Variants in WASF1 observed in about 807,000 individuals in gnomAD.
The protein encoded by WASF1 is actin-binding protein WASF1.
In WASF1, 7 loss-of-function variants were observed where a neutral mutation model predicts 50.5. The observed-to-expected ratio is 0.14, with a 90% CI of 0.08 to 0.26. The LOEUF (loss-of-function observed/expected upper bound fraction) is 0.26, where lower values mean the gene tolerates loss of function less well. WASF1 is among the 10% of genes least tolerant of loss of function. The probability of loss-of-function intolerance (pLI) is 1.00; values close to 1 mark genes in which losing one functional copy is unlikely to be tolerated. For missense variants in WASF1, 470 were observed against 694.7 expected, an observed-to-expected ratio of 0.68 and a Z score of 3.64; for synonymous variants, 205 against 244.0, an observed-to-expected ratio of 0.84 and a Z score of 1.49.
intron 2 of WASF1, among the ~76,000 whole-genome samples, chr6:110,167,267 T>C (rs144592410): frequency 1.0e-3 from 154 of 152,098 alleles, no homozygotes; most frequent in African/African-American, 3.2e-3. Context: ...CCTATACTTT[T>C]TATCATTATT....
intron 2 of WASF1, among the ~76,000 whole-genome samples, chr6:110,163,420 T>C (rs951759631): frequency 6.6e-6 from 1 of 151,510 alleles, no homozygotes; most frequent in African/African-American, 2.4e-5. Flanking sequence ...GGCTGTAGAC[T>C]TCTTGTTGTG....
chr6:110,113,184 T>G, intron 5 of WASF1, 142 bp downstream of exon 5: 1 of 707,062 alleles, frequency 1.4e-6, no homozygotes. Flanking sequence ...TTTAGATAAT[T>G]CACTGATTTA....
At chr6:110,172,103 A>G (rs973626245) in intron 2 of WASF1, among the ~76,000 whole-genome samples, 2 of 152,234 alleles carry the variant, frequency 1.3e-5, no homozygotes, top group African/African-American at 2.4e-5. Context: ...AATTAGTTCA[A>G]CCATTGTGGA....
At chr6:110,145,035 T>C (rs956837295) in intron 3 of WASF1, among the ~76,000 whole-genome samples, 7 of 152,216 alleles carry the variant, frequency 4.6e-5, no homozygotes, top group African/African-American at 7.2e-5. Flanking sequence ...ATTGAATCTA[T>C]AAATTACCTT....
intron 3 of WASF1, among the ~76,000 whole-genome samples, chr6:110,148,178 T>C (rs1775663560): frequency 1.3e-5 from 2 of 152,312 alleles, no homozygotes; most frequent in African/African-American, 2.4e-5. Context: ...TAAAAACATA[T>C]ACCTATCAAA....
rs745871195 is a variant in WASF1 at position 110,101,797 on chromosome 6, C to T, written c.1313G>A (p.Arg438Gln). The T allele has an allele frequency of 1.9e-6, 3 of 1,613,934 alleles. No individual in the cohort carries two copies. The highest frequency in any genetic ancestry group is 2.2e-5 in the East Asian group (1 of 44,866). Reference sequence around the variant, plus strand: ...TGTAACTGTGACAGGTGATGATGGTCGAATGCCAGGTGGAGGCAGAGGAGG... The same window carrying T: ...TGTAACTGTGACAGGTGATGATGGTTGAATGCCAGGTGGAGGCAGAGGAGG... ...PPPPLPPPGI[R>Q]PSSPVTVTAL... The change falls in exon 10 of 11, where the codon CGA (arginine) becomes CAA (glutamine). Residue 438 changes from arginine (R) to glutamine (Q), a missense_variant. By Grantham distance (43) the Arg-to-Gln change is conservative (BLOSUM62 1). Around this residue, in one of 3 missense-constraint regions of WASF1, gnomAD observed 294 missense variants for 343.5 expected, o/e 0.86. Transcript: ENST00000392589.
intron 3 of WASF1, among the ~76,000 whole-genome samples, chr6:110,131,594 G>A (rs1273501282): frequency 2.6e-5 from 4 of 152,044 alleles, no homozygotes; most frequent in Non-Finnish European, 5.9e-5. Context: ...TGCAACCTTC[G>A]CCTCTTGGGT....
At chr6:110,138,955 T>A (rs1426011831) in intron 3 of WASF1, among the ~76,000 whole-genome samples, 1 of 152,224 alleles carries the variant, frequency 6.6e-6, no homozygotes, top group Non-Finnish European at 1.5e-5. Context: ...CCTGTCACCA[T>A]CAACATGCTG....
At chr6:110,106,234 G>C (rs572913032) in intron 7 of WASF1, among the ~76,000 whole-genome samples, 2 of 152,312 alleles carry the variant, frequency 1.3e-5, no homozygotes, top group African/African-American at 4.8e-5. Context: ...GAGCTAGACA[G>C]ACATGTCCAT....
At chr6:110,141,621 C>A (rs1775240414) in intron 3 of WASF1, among the ~76,000 whole-genome samples, 1 of 152,138 alleles carries the variant, frequency 6.6e-6, no homozygotes, top group African/African-American at 2.4e-5. Flanking sequence ...GCCTTACTCG[C>A]CTTACTCAAC....
At chr6:110,178,387 T>C (rs954693946) in intron 2 of WASF1, among the ~76,000 whole-genome samples, 1 of 152,080 alleles carries the variant, frequency 6.6e-6, no homozygotes, top group Non-Finnish European at 1.5e-5. Flanking sequence ...CTATGAACAA[T>C]CAGAAAAATG....
chr6:110,134,801 T>C (rs1054327936), intron 3 of WASF1, among the ~76,000 whole-genome samples: 1 of 152,176 alleles, frequency 6.6e-6, no homozygotes, highest in African/African-American at 2.4e-5. Flanking sequence ...AGTCAGGTAA[T>C]GTGATGTCTC....
At position 110,130,289 on chromosome 6, in the gene WASF1, T is replaced by C. The variant is rs147425652; in HGVS notation, c.-28-2660A>G. 2.7e-3 allele frequency among the ~76,000 whole-genome samples: 406 copies of C among 152,274 alleles called. 1 individual carries two copies. Among genetic ancestry groups the C allele is most frequent in the African/African-American group, 9.5e-3 (394 of 41,568 alleles). On this transcript the variant is annotated intron_variant, in intron 3 of 10. Coordinates refer to ENST00000392589, the MANE Select transcript of WASF1 (RefSeq NM_003931.3). ...TGTAACCCCATTAAGAAATAAAATATTGCCTGTACCAATTGCCAGAACCCG... is the reference window on the plus strand; with the variant it reads ...TGTAACCCCATTAAGAAATAAAATACTGCCTGTACCAATTGCCAGAACCCG...
At chr6:110,164,603 G>A (rs1776395148) in intron 2 of WASF1, among the ~76,000 whole-genome samples, 1 of 151,620 alleles carries the variant, frequency 6.6e-6, no homozygotes, top group South Asian at 2.1e-4. Context: ...ACTCTCATTC[G>A]CTGCTATTGA....
chr6:110,155,154 A>C (rs1450441465), intron 3 of WASF1, among the ~76,000 whole-genome samples: 1 of 152,086 alleles, frequency 6.6e-6, no homozygotes, highest in African/African-American at 2.4e-5. Context: ...AAATCAATAT[A>C]GATTTACTTA....
At chr6:110,144,967 TTAAAG>T (rs1176210179) in intron 3 of WASF1, among the ~76,000 whole-genome samples, 1 of 152,080 alleles carries the variant, frequency 6.6e-6, no homozygotes, top group African/African-American at 2.4e-5. Context: ...CATATGAACT[TTAAAG>T]TAGTTTTTTC....
intron 3 of WASF1, among the ~76,000 whole-genome samples, chr6:110,151,292 A>T (rs929108563): frequency 6.6e-5 from 10 of 152,186 alleles, no homozygotes; most frequent in African/African-American, 9.7e-5. Flanking sequence ...CACACTAGCA[A>T]TTTGAGGATC....
chr6:110,113,657 C>G (rs1263239833), intron 4 of WASF1, among the ~76,000 whole-genome samples, 197 bp from the exon 5 acceptor site: 1 of 152,026 alleles, frequency 6.6e-6, no homozygotes, highest in African/African-American at 2.4e-5. Flanking sequence ...GACCCTTGAA[C>G]AAAATCGTTT....
chr6:110,148,497 C>T (rs1328190052), intron 3 of WASF1, among the ~76,000 whole-genome samples: 2 of 152,142 alleles, frequency 1.3e-5, no homozygotes, highest in Admixed American at 1.3e-4. Flanking sequence ...GAAACTGAAG[C>T]TTGTGCGTGT....
Sources: gnomAD v4.1 joint callset for allele counts (sites outside exome capture counted in the v4.1 genomes callset) on GRCh38, gnomAD v4.1.1 for gene constraint, gnomAD v4.1.1 regional missense constraint, MANE v1.5 for transcripts, NCBI Gene and HGNC (gene_info 2026-07-23, HGNC 2026-07-21) for gene names.